Variants in CALD1 observed in about 807,000 individuals in gnomAD.
CALD1 encodes the protein caldesmon 1, also known as caldesmon.
A neutral mutation model predicts 99.9 loss-of-function variants in CALD1; 33 were observed. That is an observed-to-expected ratio of 0.33 (90% CI 0.25 to 0.44). The LOEUF is 0.44. Among genes scored for constraint, CALD1 ranks in the 20% least tolerant of loss-of-function variants. The pLI is 1.00. For missense variants in CALD1, 861 were observed against 962.1 expected (o/e 0.89, Z 1.39); for synonymous variants, 310 against 325.0 (o/e 0.95, Z 0.50).
At chr7:134,884,363 T>C (rs1801750624) in intron 3 of CALD1, among the ~76,000 whole-genome samples, 1 of 152,198 alleles carries the variant, frequency 6.6e-6, no homozygotes, top group Admixed American at 6.5e-5. Flanking sequence ...CTGTGATGAT[T>C]TCACCCCGCT....
chr7:134,820,327 A>G (rs1339388761), intron 1 of CALD1, among the ~76,000 whole-genome samples: 1 of 152,204 alleles, frequency 6.6e-6, no homozygotes, highest in African/African-American at 2.4e-5. Context: ...GTTGGTTTCC[A>G]TGGTAAAATA....
Position 134,835,844 on chromosome 7 carries a change from TAC to T in CALD1, c.-129-8038_-129-8037del, listed in dbSNP as rs1477953178. On this transcript the variant is annotated intron_variant, in intron 1 of 14. Coordinates refer to ENST00000361675, the MANE Select transcript of CALD1 (RefSeq NM_033138.4). ...ATATGCTGGAGGCTGTGCTAAATTC[TAC>T]AGATAAAAGATAAATGAGGCTAGGC... is the stretch of plus-strand genomic sequence containing the variant. Among the ~76,000 whole-genome samples, 3 of 152,080 alleles carry T rather than the reference TAC, an allele frequency of 2.0e-5. No homozygotes were observed. In the East Asian group the frequency reaches 5.8e-4, roughly 29 times the overall value.
intron 1 of CALD1, among the ~76,000 whole-genome samples, chr7:134,822,440 A>G (rs1038416642): frequency 1.3e-5 from 2 of 152,196 alleles, no homozygotes; most frequent in African/African-American, 4.8e-5. Context: ...TGATCAGTTC[A>G]CTTGTCAAAC....
intron 1 of CALD1, among the ~76,000 whole-genome samples, chr7:134,773,108 GT>G (rs1302465510): frequency 6.6e-6 from 1 of 151,922 alleles, no homozygotes; most frequent in Non-Finnish European, 1.5e-5. Context: ...GTATCCTTTA[GT>G]TTTCAAAAGT....
intron 1 of CALD1, among the ~76,000 whole-genome samples, chr7:134,766,136 CTTTTCTTTTTTT>C (rs1377065623): frequency 3.3e-5 from 3 of 91,016 alleles, no homozygotes; most frequent in Admixed American, 1.1e-4. Flanking sequence ...AACCTCTTTT[CTTTTCTTTTTTT>C]TTTTTTTTTT....
At chr7:134,749,135 A>G (rs1483083106) in intron 1 of CALD1, among the ~76,000 whole-genome samples, 2 of 152,252 alleles carry the variant, frequency 1.3e-5, no homozygotes, top group Non-Finnish European at 2.9e-5. Flanking sequence ...AAGACAACCC[A>G]GTTTGGACTT....
rs1584704819 is a variant in CALD1 at position 134,969,550 on chromosome 7, G to T, written c.*1205G>T. ...TGGCTAAATGTCTAGAAGCAGAGAA[G>T]TAAAGTGAGCAAAATCCAGTGTTGA... On this transcript the variant is annotated 3_prime_UTR_variant, in exon 15 of 15. Coordinates refer to ENST00000361675, the MANE Select transcript of CALD1 (RefSeq NM_033138.4). The T allele has an allele frequency of 6.6e-6, 1 of 152,230 alleles. No individual in the cohort carries two copies. Among genetic ancestry groups the T allele is most frequent in the East Asian group, 1.9e-4 (1 of 5,206 alleles). 9.4% of individuals were successfully genotyped at this position (152,230 alleles called of 1,614,324 possible). A position where few individuals can be genotyped will look rare whatever the true frequency, so the allele number is the denominator to read the frequency against.
chr7:134,746,371 C>A (rs1168170060), intron 1 of CALD1, among the ~76,000 whole-genome samples: 1 of 152,196 alleles, frequency 6.6e-6, no homozygotes, highest in Non-Finnish European at 1.5e-5. Flanking sequence ...GGCTTGCTAG[C>A]CTCCAGAGCT....
chr7:134,838,864 A>C (rs925240834), intron 1 of CALD1, among the ~76,000 whole-genome samples: 1 of 152,192 alleles, frequency 6.6e-6, no homozygotes, highest in Non-Finnish European at 1.5e-5. Flanking sequence ...AATTCCCTGG[A>C]GTTGTCATCT....
At chr7:134,741,639 G>T (rs1796592227), upstream of CALD1, among the ~76,000 whole-genome samples, 1 of 152,100 alleles carries the variant, frequency 6.6e-6, no homozygotes, top group Non-Finnish European at 1.5e-5. Context: ...TTAAAAAAAA[G>T]ATATAGATCC....
chr7:134,858,358 C>T (rs3800743), intron 2 of CALD1, among the ~76,000 whole-genome samples: 32,909 of 151,850 alleles, frequency 0.22, 3,900 homozygotes, highest in African/African-American at 0.28. Flanking sequence ...ATCCAAAAAG[C>T]CTCCATAGGA....
At chr7:134,835,013 A>G (rs1198438946) in intron 1 of CALD1, among the ~76,000 whole-genome samples, 3 of 152,124 alleles carry the variant, frequency 2.0e-5, no homozygotes, top group Non-Finnish European at 2.9e-5. Context: ...TGAGTGTGAT[A>G]TTTTACCAGT....
chr7:134,935,789 A>T (rs1173126482), intron 6 of CALD1, 24 bp downstream of exon 6: 7 of 1,552,754 alleles, frequency 4.5e-6, no homozygotes. Context: ...AAAAGTAATG[A>T]TCGTAAAGCA....
intron 1 of CALD1, among the ~76,000 whole-genome samples, chr7:134,787,523 C>T (rs1200748613): frequency 6.6e-6 from 1 of 152,140 alleles, no homozygotes; most frequent in African/African-American, 2.4e-5. Context: ...GAAGCTTCCT[C>T]CACCTCCACC....
chr7:134,937,955 C>A (rs745829487), intron 6 of CALD1, among the ~76,000 whole-genome samples: 2 of 152,084 alleles, frequency 1.3e-5, no homozygotes, highest in Non-Finnish European at 2.9e-5. Context: ...CTTTTCTGGC[C>A]TCTAACAGGA....
chr7:134,923,502 C>A (rs1208772290), intron 3 of CALD1, among the ~76,000 whole-genome samples: 1 of 152,170 alleles, frequency 6.6e-6, no homozygotes, highest in East Asian at 1.9e-4. Context: ...TAGCATATGG[C>A]AAACAGGTTA....
chr7:134,893,247 C>T (rs1264707065), intron 3 of CALD1, among the ~76,000 whole-genome samples: 1 of 152,148 alleles, frequency 6.6e-6, no homozygotes, highest in Admixed American at 6.5e-5. Flanking sequence ...ATCTGGTCCT[C>T]GGCCTCTGTC....
At chr7:134,761,995 T>A (rs1471155783) in intron 1 of CALD1, among the ~76,000 whole-genome samples, 1 of 152,154 alleles carries the variant, frequency 6.6e-6, no homozygotes, top group Non-Finnish European at 1.5e-5. Flanking sequence ...TCTCTGTGAG[T>A]TTCCCAAGGG....
At chr7:134,918,873 G>A (rs932817775) in intron 3 of CALD1, among the ~76,000 whole-genome samples, 5 of 152,192 alleles carry the variant, frequency 3.3e-5, no homozygotes, top group Non-Finnish European at 5.9e-5. Flanking sequence ...GTGCACACCT[G>A]TAGTCCCAGC....
Sources: allele counts gnomAD v4.1 joint callset (sites outside exome capture counted in the v4.1 genomes callset), GRCh38; gene constraint gnomAD v4.1.1; transcripts MANE v1.5; gene names NCBI Gene and HGNC (gene_info 2026-07-23, HGNC 2026-07-21).